Variants in MGA observed in about 807,000 individuals in gnomAD.
The protein encoded by MGA is MAX gene-associated protein.
In MGA, 40 loss-of-function variants were observed where a neutral mutation model predicts 261.1. That is an observed-to-expected ratio of 0.15 (90% CI 0.12 to 0.20). The LOEUF (loss-of-function observed/expected upper bound fraction) is 0.20. MGA is among the 10% of genes least tolerant of loss of function. The pLI is 1.00. For missense variants in MGA, 3,397 were observed against 3,630.5 expected (o/e 0.94, Z 1.65); for synonymous variants, 1,302 against 1,290.6 (o/e 1.01, Z -0.19).
intron 2 of MGA, among the ~76,000 whole-genome samples, chr15:41,673,398 A>G (rs1156766893): frequency 6.6e-6 from 1 of 151,244 alleles, no homozygotes; most frequent in Non-Finnish European, 1.5e-5. Context: ...TTGTATTTTT[A>G]GTAGAGATGG....
chr15:41,730,737 G>A (rs373270290), intron 11 of MGA, among the ~76,000 whole-genome samples: 51 of 152,238 alleles, frequency 3.4e-4, no homozygotes, highest in Admixed American at 1.4e-3. Context: ...CTTTTAGTCC[G>A]TTATATGCTT....
intron 2 of MGA, among the ~76,000 whole-genome samples, chr15:41,682,201 G>A (rs974412844): frequency 6.6e-6 from 1 of 152,126 alleles, no homozygotes; most frequent in African/African-American, 2.4e-5. Context: ...ATAGGTGTGA[G>A]CCACTGCACC....
intron 1 of MGA, among the ~76,000 whole-genome samples, chr15:41,662,560 A>G (rs1331634412): frequency 6.6e-6 from 1 of 152,236 alleles, no homozygotes; most frequent in Admixed American, 6.5e-5. Context: ...GGCAAGTACC[A>G]TTTATTAAAT....
At chr15:41,639,342 G>A (rs2056775914) in intron 1 of MGA, among the ~76,000 whole-genome samples, 1 of 151,956 alleles carries the variant, frequency 6.6e-6, no homozygotes, top group African/African-American at 2.4e-5. Flanking sequence ...ATTCAGTTGA[G>A]AGGGAATAAG....
intron 1 of MGA, among the ~76,000 whole-genome samples, chr15:41,663,730 C>G (rs1264114923): frequency 1.3e-5 from 2 of 152,100 alleles, no homozygotes; most frequent in Admixed American, 1.3e-4. Flanking sequence ...CTCAGCCCCT[C>G]AAAGTGCTGG....
At chr15:41,640,193 G>A (rs1259705741) in intron 1 of MGA, among the ~76,000 whole-genome samples, 1 of 152,148 alleles carries the variant, frequency 6.6e-6, no homozygotes, top group Non-Finnish European at 1.5e-5. Flanking sequence ...TGCTAAAGCA[G>A]CGTAATTATA....
At chr15:41,686,300 C>T (rs938912338) in intron 2 of MGA, among the ~76,000 whole-genome samples, 3 of 152,054 alleles carry the variant, frequency 2.0e-5, no homozygotes, top group Admixed American at 2.0e-4. Flanking sequence ...ATCACTTGAG[C>T]CCAGGAGCTT....
At position 41,764,380 on chromosome 15, in the gene MGA, TG is replaced by T. The variant is rs571959336; in HGVS notation, c.7745-505del. On this transcript the variant is annotated intron_variant, in intron 22 of 23. Transcript: ENST00000219905. Reference sequence around the variant, plus strand: ...GCCATTCTTCTGCCTCAGCCTGCCGTGTAGCTGGGACTACAGGCGCCCGCCA... The same window carrying T: ...GCCATTCTTCTGCCTCAGCCTGCCGTTAGCTGGGACTACAGGCGCCCGCCA... 3.3e-5 allele frequency among the ~76,000 whole-genome samples: 5 copies of T among 151,620 alleles called. No individual in the cohort carries two copies. The South Asian group carries it at 1.0e-3, about 32-fold the overall frequency.
At chr15:41,753,215 GC>G (rs1189556498) in intron 17 of MGA, among the ~76,000 whole-genome samples, 2 of 152,108 alleles carry the variant, frequency 1.3e-5, no homozygotes, top group Non-Finnish European at 2.9e-5. Context: ...TTTGAGACCA[GC>G]CTGGCCAACA....
At chr15:41,716,905 C>G (rs2060669372) in intron 9 of MGA, among the ~76,000 whole-genome samples, 1 of 151,858 alleles carries the variant, frequency 6.6e-6, no homozygotes, top group South Asian at 2.1e-4. Context: ...TTGTAACAGA[C>G]TTAAAAATTT....
At chr15:41,718,352 G>C in intron 9 of MGA, 1 of 461,320 alleles carries the variant, frequency 2.2e-6, no homozygotes, top group Non-Finnish European at 3.7e-6. Flanking sequence ...GTATTATTTA[G>C]TTAGGTTCTT....
chr15:41,621,351 T>G (rs921529521), intron 1 of MGA: 1 of 152,252 alleles, frequency 6.6e-6, no homozygotes, highest in African/African-American at 2.4e-5. Flanking sequence ...TTCCTCTTTA[T>G]GGGTTTAAAT....
At chr15:41,651,802 C>T (rs2150720585) in intron 1 of MGA, among the ~76,000 whole-genome samples, 1 of 12,804 alleles carries the variant, frequency 7.8e-5, no homozygotes, top group African/African-American at 1.8e-4. Context: ...TCCTCTCCCC[C>T]CCCTCTTCCT....
In MGA at chr15:41,750,613, A is replaced by C. The variant is rs1482834258; in HGVS notation, c.7006A>C (p.Lys2336Gln). Reference sequence around the variant, plus strand: ...GAGTGAGGAGGTTGATGATGTAGAAAAGGTGGTGAGCCCATTTTTGTTGTG... The same window carrying C: ...GAGTGAGGAGGTTGATGATGTAGAACAGGTGGTGAGCCCATTTTTGTTGTG... Residue 2336 changes from lysine to glutamine, a missense_variant and splice_region_variant, in exon 17 of 24, where the codon AAG (lysine) becomes CAG (glutamine). Lys to Gln is a moderately conservative substitution (Grantham distance 53, BLOSUM62 1). Transcript: ENST00000219905. 6.2e-7 allele frequency: 1 copy of C among 1,601,524 alleles called. No individual in the cohort carries two copies.
chr15:41,636,494 TC>T (rs1282472882), intron 1 of MGA, among the ~76,000 whole-genome samples: 1 of 148,514 alleles, frequency 6.7e-6, no homozygotes, highest in Non-Finnish European at 1.5e-5. Flanking sequence ...GGAGCCTTGC[TC>T]TGTTGCCCAG....
chr15:41,743,629 C>A (rs2062245420), intron 15 of MGA, among the ~76,000 whole-genome samples: 1 of 152,158 alleles, frequency 6.6e-6, no homozygotes, highest in Non-Finnish European at 1.5e-5. Context: ...TAGGGGTGCA[C>A]ATCTTTGAGG....
intron 2 of MGA, among the ~76,000 whole-genome samples, chr15:41,678,172 C>T (rs545322592): frequency 7.4e-4 from 112 of 150,778 alleles, no homozygotes; most frequent in Non-Finnish European, 1.5e-3. Flanking sequence ...CTCACTGCAA[C>T]CTGTGCCTCC....
chr15:41,651,038 T>G (rs2057031634), intron 1 of MGA, among the ~76,000 whole-genome samples: 1 of 152,016 alleles, frequency 6.6e-6, no homozygotes, highest in Non-Finnish European at 1.5e-5. Flanking sequence ...CTGATGAGGG[T>G]CATCATATGG....
chr15:41,727,773 T>C (rs904567543), intron 10 of MGA, among the ~76,000 whole-genome samples: 1 of 151,892 alleles, frequency 6.6e-6, no homozygotes, highest in Admixed American at 6.6e-5. Context: ...TTTTAAAAGC[T>C]TTTAAAAGCA....
Sources: allele counts gnomAD v4.1 joint callset (sites outside exome capture counted in the v4.1 genomes callset), GRCh38; gene constraint gnomAD v4.1.1; transcripts MANE v1.5; gene names NCBI Gene and HGNC (gene_info 2026-07-23, HGNC 2026-07-21).